The following MCTP2 variants were observed in gnomAD, a reference collection of about 807,000 sequenced individuals.
MCTP2 encodes multiple C2 and transmembrane domain-containing protein 2.
In MCTP2, 132 loss-of-function variants were observed where a neutral mutation model predicts 111.6. That is an observed-to-expected ratio of 1.18 (90% CI 1.03 to 1.37). MCTP2 has a LOEUF of 1.37. Ranked by LOEUF, MCTP2 falls within the 40% of genes most tolerant of loss-of-function variation. MCTP2 has a pLI of 0.00. For synonymous variants in MCTP2, 395 were observed against 387.7 expected, an observed-to-expected ratio of 1.02 and a Z score of -0.22; for missense variants, 1,183 against 1,067.9, an observed-to-expected ratio of 1.11 and a Z score of -1.50.
At position 94,264,334 on chromosome 15, in the gene MCTP2, C is replaced by T. The variant is rs113137565; in HGVS notation, c.-66+32670C>T. On this transcript the variant is annotated intron_variant, in intron 1 of 22. Coordinates refer to ENST00000357742, the MANE Select transcript of MCTP2 (RefSeq NM_001385001.1). Reference sequence around the variant, plus strand: ...ATAATATTGTCCACTTGAGGCTGGGCGCGGTGGCTCATGTCTGTAATCCCA... The same window carrying T: ...ATAATATTGTCCACTTGAGGCTGGGTGCGGTGGCTCATGTCTGTAATCCCA... Among the ~76,000 whole-genome samples, 1,321 of 152,138 alleles carry T rather than the reference C, an allele frequency of 8.7e-3. 12 individuals are homozygous for T. The highest frequency in any genetic ancestry group is 0.03 in the African/African-American group (1,231 of 41,518).
rs142793307 is a variant in MCTP2 at position 94,430,522 on chromosome 15, A to G, written c.2086-9654A>G. 5.8e-3 allele frequency among the ~76,000 whole-genome samples: 854 copies of G among 147,474 alleles called. 7 individuals carry two copies. Among genetic ancestry groups the G allele is most frequent in the African/African-American group, 0.02 (780 of 39,652 alleles). ...TGAGGTGGGAGGATAACTTGAGGTC[A>G]GGAGTTTGAAACCAGCCTGGCCAAC... On this transcript the variant is annotated intron_variant, in intron 17 of 22. Coordinates refer to ENST00000357742, the MANE Select transcript of MCTP2 (RefSeq NM_001385001.1).
chr15:94,410,297 G>A (rs1350133285), intron 17 of MCTP2, among the ~76,000 whole-genome samples: 2 of 152,116 alleles, frequency 1.3e-5, no homozygotes, highest in African/African-American at 4.8e-5. Flanking sequence ...GAAATGCAAA[G>A]CTTGGTATTG....
chr15:94,352,288 A>G (rs761470764), intron 8 of MCTP2, among the ~76,000 whole-genome samples: 3 of 152,186 alleles, frequency 2.0e-5, no homozygotes, highest in Non-Finnish European at 2.9e-5. Flanking sequence ...AGTGTTTTCA[A>G]AGCTCTTTTA....
intron 4 of MCTP2, among the ~76,000 whole-genome samples, chr15:94,320,309 A>G (rs1264488487): frequency 6.6e-6 from 1 of 151,790 alleles, no homozygotes; most frequent in Non-Finnish European, 1.5e-5. Context: ...CGCCCAGCTA[A>G]TTTTTGTATT....
chr15:94,405,500 A>G (rs909012032), intron 17 of MCTP2, among the ~76,000 whole-genome samples: 8 of 152,172 alleles, frequency 5.3e-5, no homozygotes, highest in South Asian at 4.1e-4. Context: ...TCAGAAGTGG[A>G]TGGACAAACG....
intron 1 of MCTP2, among the ~76,000 whole-genome samples, chr15:94,280,430 A>G (rs1051677732): frequency 5.4e-5 from 7 of 129,340 alleles, no homozygotes; most frequent in African/African-American, 2.0e-4. Flanking sequence ...TTTTTTTTTT[A>G]ATTTCTGTGG....
At position 94,399,905 on chromosome 15, in the gene MCTP2, A is replaced by G; in HGVS notation, c.1891-16A>G. On this transcript the variant is annotated splice_polypyrimidine_tract_variant and intron_variant, in intron 15 of 22. Transcript: ENST00000357742. Reference sequence around the variant, plus strand: ...CTATACATGCTGCCCTTTTTTAACAAGGATGTCTTTTCTAGGTGAAAGCAA... The same window carrying G: ...CTATACATGCTGCCCTTTTTTAACAGGGATGTCTTTTCTAGGTGAAAGCAA... The G allele has an allele frequency of 6.2e-7, 1 of 1,612,380 alleles. No homozygotes were observed. The highest frequency in any genetic ancestry group is 8.5e-7 in the Non-Finnish European group (1 of 1,178,566).
intron 4 of MCTP2, among the ~76,000 whole-genome samples, chr15:94,338,488 A>ATTTTTTT (rs201502636): frequency 8.9e-5 from 12 of 134,186 alleles, no homozygotes; most frequent in African/African-American, 3.4e-4. Context: ...GTTTGCAGGC[A>ATTTTTTT]TTTTTTTTTT....
chr15:94,302,501 T>A (rs1211915484), intron 2 of MCTP2, among the ~76,000 whole-genome samples: 2 of 152,104 alleles, frequency 1.3e-5, no homozygotes, highest in Non-Finnish European at 2.9e-5. Flanking sequence ...AAATGCCAAA[T>A]CCAGCTGTAA....
intron 20 of MCTP2, among the ~76,000 whole-genome samples, chr15:94,459,817 C>T (rs2085073480): frequency 6.6e-6 from 1 of 152,172 alleles, no homozygotes; most frequent in Non-Finnish European, 1.5e-5. Context: ...ATAATGATAG[C>T]AACACCAACT....
At position 94,244,720 on chromosome 15, in the gene MCTP2, T is replaced by G. The variant is rs373667530; in HGVS notation, c.-66+13056T>G. Reference sequence around the variant, plus strand: ...TATACACATACATATGCACCTATGTTTATATTCGTATATGTATACACATAC... The same window carrying G: ...TATACACATACATATGCACCTATGTGTATATTCGTATATGTATACACATAC... On this transcript the variant is annotated intron_variant, in intron 1 of 22. Transcript: ENST00000357742. Among the ~76,000 whole-genome samples, 56 of 149,158 alleles carry G rather than the reference T, an allele frequency of 3.8e-4. 3 individuals are homozygous for G. The highest frequency in any genetic ancestry group is 1.8e-3 in the East Asian group (9 of 5,014).
intron 19 of MCTP2, among the ~76,000 whole-genome samples, chr15:94,443,516 C>T (rs765602413): frequency 6.6e-6 from 1 of 152,160 alleles, no homozygotes; most frequent in Non-Finnish European, 1.5e-5. Flanking sequence ...AAATGAGATG[C>T]TACTAGCTTA....
chr15:94,271,128 G>C (rs1358926776), intron 1 of MCTP2, among the ~76,000 whole-genome samples: 1 of 152,202 alleles, frequency 6.6e-6, no homozygotes, highest in Non-Finnish European at 1.5e-5. Flanking sequence ...ATGTATGTGA[G>C]ACGAGAGTGT....
At chr15:94,452,568 A>G (rs1384040998) in intron 19 of MCTP2, among the ~76,000 whole-genome samples, 2 of 152,142 alleles carry the variant, frequency 1.3e-5, no homozygotes, top group African/African-American at 4.8e-5. Context: ...TCCTGGATCC[A>G]TTTATTTCTC....
chr15:94,437,155 CAA>C (rs11352999), intron 17 of MCTP2, among the ~76,000 whole-genome samples: 2,160 of 69,562 alleles, frequency 0.031, 31 homozygotes, highest in African/African-American at 0.1. Flanking sequence ...CTTACACATC[CAA>C]AAAAAAAAAA....
chr15:94,327,171 GAC>G (rs1198965982), intron 4 of MCTP2, among the ~76,000 whole-genome samples: 2 of 152,080 alleles, frequency 1.3e-5, no homozygotes, highest in Non-Finnish European at 1.5e-5. Context: ...CTTCTTGAGA[GAC>G]ACACACATTC....
intron 14 of MCTP2, among the ~76,000 whole-genome samples, chr15:94,397,723 C>T (rs2081352938): frequency 6.6e-6 from 1 of 152,190 alleles, no homozygotes; most frequent in Admixed American, 6.5e-5. Flanking sequence ...TTATACAACT[C>T]ATTTCTACCA....
chr15:94,395,904 C>T (rs1377020609), intron 14 of MCTP2, among the ~76,000 whole-genome samples: 2 of 152,074 alleles, frequency 1.3e-5, no homozygotes, highest in African/African-American at 4.8e-5. Flanking sequence ...TTAGCATGCT[C>T]TATAAAAGCT....
chr15:94,247,193 A>C (rs2072076147), intron 1 of MCTP2, among the ~76,000 whole-genome samples: 1 of 152,136 alleles, frequency 6.6e-6, no homozygotes, highest in Admixed American at 6.5e-5. Context: ...CATCTGTGGC[A>C]GCTTTTTCTC....
Sources: gnomAD v4.1 joint callset for allele counts (sites outside exome capture counted in the v4.1 genomes callset) on GRCh38, gnomAD v4.1.1 for gene constraint, MANE v1.5 for transcripts, NCBI Gene and HGNC (gene_info 2026-07-23, HGNC 2026-07-21) for gene names.